C1QTNF3: variants seen among roughly 807,000 people sequenced by gnomAD.
C1QTNF3 encodes complement C1q tumor necrosis factor-related protein 3.
In C1QTNF3, 26 loss-of-function variants were observed where a neutral mutation model predicts 32.6. That is an observed-to-expected ratio of 0.80 (90% CI 0.58 to 1.11). The LOEUF is 1.11. Ranked by LOEUF, C1QTNF3 falls within the 50% of genes least tolerant of loss-of-function variation. The pLI, the probability that C1QTNF3 is intolerant of heterozygous loss-of-function variation, is 0.00. For missense variants in C1QTNF3, 362 were observed against 398.2 expected, an observed-to-expected ratio of 0.91 and a Z score of 0.77; for synonymous variants, 155 against 146.0, an observed-to-expected ratio of 1.06 and a Z score of -0.44.
the C1QTNF3 span, among the ~76,000 whole-genome samples, chr5:34,113,419 G>C: frequency 4.0e-5 from 6 of 151,240 alleles, no homozygotes; most frequent in African/African-American, 1.5e-4. Context: ...ACTCCTTTCT[G>C]TACATGAAGA....
the C1QTNF3 span, among the ~76,000 whole-genome samples, chr5:34,091,219 T>C: frequency 1.2e-4 from 19 of 152,374 alleles, no homozygotes; most frequent in East Asian, 1.9e-3. Flanking sequence ...CATGCTGACC[T>C]GTTGCAGACC....
At chr5:34,226,833 T>C in the C1QTNF3 span, among the ~76,000 whole-genome samples, 1 of 151,136 alleles carries the variant, frequency 6.6e-6, no homozygotes, top group East Asian at 1.9e-4. Flanking sequence ...AAGAAAATTA[T>C]AGGGAAGAAA....
chr5:34,029,260 G>A (rs565673898), intron 3 of C1QTNF3, among the ~76,000 whole-genome samples: 1 of 151,556 alleles, frequency 6.6e-6, no homozygotes, highest in Admixed American at 6.6e-5. Context: ...TTTAATTTTG[G>A]TAACCCTGCA....
chr5:34,177,634 A>C, the C1QTNF3 span, among the ~76,000 whole-genome samples: 1 of 151,866 alleles, frequency 6.6e-6, no homozygotes, highest in Non-Finnish European at 1.5e-5. Context: ...TTACAGGTAC[A>C]TGCCACCACA....
the C1QTNF3 span, among the ~76,000 whole-genome samples, chr5:34,174,993 T>C: frequency 1.3e-5 from 2 of 151,660 alleles, no homozygotes; most frequent in African/African-American, 4.8e-5. Flanking sequence ...ATGATCTGCC[T>C]GCCTCAGCCT....
the C1QTNF3 span, among the ~76,000 whole-genome samples, chr5:34,065,916 C>T: frequency 1.8e-4 from 28 of 152,154 alleles, no homozygotes; most frequent in East Asian, 4.6e-3. Context: ...ATGGCAAAGA[C>T]GTGGAATCAA....
chr5:34,113,666 C>A, the C1QTNF3 span, among the ~76,000 whole-genome samples: 524 of 152,076 alleles, frequency 3.4e-3, 4 homozygotes, highest in African/African-American at 0.012. Context: ...TCTTTACTCT[C>A]TCTCTATATA....
At chr5:34,124,509 T>C in the C1QTNF3 span, 4 of 711,146 alleles carry the variant, frequency 5.6e-6, no homozygotes, top group Non-Finnish European at 1.0e-5. Context: ...GCAAGAGAGA[T>C]GGGAGGAGGC....
At chr5:34,081,912 A>G in the C1QTNF3 span, among the ~76,000 whole-genome samples, 1 of 151,758 alleles carries the variant, frequency 6.6e-6, no homozygotes, top group Non-Finnish European at 1.5e-5. Flanking sequence ...GATAAAAAGC[A>G]TAAGTAGAAT....
chr5:34,122,686 T>C, the C1QTNF3 span, among the ~76,000 whole-genome samples: 3 of 152,058 alleles, frequency 2.0e-5, no homozygotes, highest in Admixed American at 6.6e-5. Flanking sequence ...GGAAACCTGT[T>C]TGGGAGAGAA....
chr5:34,077,703 C>T, the C1QTNF3 span, among the ~76,000 whole-genome samples: 3 of 151,212 alleles, frequency 2.0e-5, no homozygotes, highest in Admixed American at 2.0e-4. Flanking sequence ...TTTTAAATAA[C>T]TCTGAAGTAA....
the C1QTNF3 span, among the ~76,000 whole-genome samples, chr5:34,227,525 C>T: frequency 6.6e-6 from 1 of 150,626 alleles, no homozygotes; most frequent in Non-Finnish European, 1.5e-5. Context: ...AGATGGGTCA[C>T]CTGTTATCTT....
the C1QTNF3 span, among the ~76,000 whole-genome samples, chr5:34,146,318 A>G: frequency 6.6e-6 from 1 of 152,210 alleles, no homozygotes; most frequent in Admixed American, 6.5e-5. Context: ...CTAGCAAACT[A>G]CCAATGTCAT....
At chr5:34,068,928 G>T in the C1QTNF3 span, among the ~76,000 whole-genome samples, 1 of 151,842 alleles carries the variant, frequency 6.6e-6, no homozygotes, top group Non-Finnish European at 1.5e-5. Context: ...TGCCGAACAT[G>T]TAAGTTAAGT....
the C1QTNF3 span, chr5:34,165,765 T>A: frequency 2.0e-5 from 3 of 151,604 alleles, no homozygotes; most frequent in Admixed American, 2.0e-4. Flanking sequence ...AAAAAAAAAG[T>A]TGTATGAATG....
the C1QTNF3 span, among the ~76,000 whole-genome samples, chr5:34,163,424 CTTAT>C: frequency 2.0e-5 from 3 of 151,596 alleles, no homozygotes; most frequent in Admixed American, 6.6e-5. Flanking sequence ...ATAGTTTTGC[CTTAT>C]TATTATATTT....
chr5:34,070,507 C>A, the C1QTNF3 span, among the ~76,000 whole-genome samples: 32 of 152,092 alleles, frequency 2.1e-4, no homozygotes, highest in Admixed American at 1.4e-3. Flanking sequence ...AACTAGTTAG[C>A]AATTACTTAC....
chr5:34,046,393 G>A (rs1404897125), upstream of C1QTNF3, among the ~76,000 whole-genome samples: 1 of 152,162 alleles, frequency 6.6e-6, no homozygotes, highest in Non-Finnish European at 1.5e-5. Flanking sequence ...ATTAGGGTGG[G>A]CCCTGACCCA....
intron 4 of C1QTNF3, 69 bp downstream of exon 4, chr5:34,028,685 C>T (rs1754537587): frequency 7.4e-7 from 1 of 1,355,288 alleles, no homozygotes; most frequent in Non-Finnish European, 9.9e-7. Context: ...TCTCTTCTTT[C>T]CTTCCTTCCT....
Sources: allele counts gnomAD v4.1 joint callset (sites outside exome capture counted in the v4.1 genomes callset), GRCh38; gene constraint gnomAD v4.1.1; transcripts MANE v1.5; gene names NCBI Gene and HGNC (gene_info 2026-07-23, HGNC 2026-07-21).